Variants in PSG5 observed in about 807,000 individuals in gnomAD.
The protein encoded by PSG5 is pregnancy-specific beta-1-glycoprotein 5.
PSG5 carries 53 observed loss-of-function variants against 37.7 expected under a neutral mutation model. The observed-to-expected ratio is 1.41, with a 90% CI of 1.13 to 1.77. The LOEUF (loss-of-function observed/expected upper bound fraction) is 1.77. Ranked by LOEUF, PSG5 falls within the 40% of genes most tolerant of loss-of-function variation. PSG5 has a pLI of 0.00. For synonymous variants in PSG5, 221 were observed against 155.4 expected (o/e 1.42, Z -3.14); for missense variants, 547 against 405.2 (o/e 1.35, Z -3.00).
rs190860383 is a variant in PSG5 at position 43,167,761 on chromosome 19, T to G, written c.*483A>C. 1 of 180,682 alleles carries G rather than the reference T, an allele frequency of 5.5e-6. No individual in the cohort carries two copies. Among genetic ancestry groups the G allele is most frequent in the Non-Finnish European group, 1.2e-5 (1 of 86,836 alleles). The allele number at this position is 180,682 out of a possible 1,614,324, so 11.2% of individuals were successfully genotyped here. On this transcript the variant is annotated 3_prime_UTR_variant, in exon 6 of 6. Transcript: ENST00000342951. ...TCCTTACTGAACTTGTGCAGATAAC[T>G]TTATTACCATAAACATATGAATACT...
At chr19:43,183,509 C>T (rs778374564) in intron 2 of PSG5, 5 of 525,112 alleles carry the variant, frequency 9.5e-6, no homozygotes, top group South Asian at 2.8e-5. Context: ...CTCCTTGATC[C>T]TTTCATGACA....
intron 2 of PSG5, among the ~76,000 whole-genome samples, chr19:43,180,107 A>G (rs1969096508): frequency 6.6e-6 from 1 of 151,542 alleles, no homozygotes; most frequent in African/African-American, 2.4e-5. Flanking sequence ...TAGACATTCT[A>G]CTCTCTGATT....
chr19:43,186,101 A>C (rs1039696152), intron 1 of PSG5, among the ~76,000 whole-genome samples: 2 of 150,670 alleles, frequency 1.3e-5, no homozygotes, highest in African/African-American at 4.9e-5. Context: ...CTCAGCCTCC[A>C]GAGTAGCTAG....
At chr19:43,169,710 C>A (rs1968863169) in intron 5 of PSG5, among the ~76,000 whole-genome samples, 1 of 151,592 alleles carries the variant, frequency 6.6e-6, no homozygotes, top group Non-Finnish European at 1.5e-5. Flanking sequence ...AGAAGTCAAG[C>A]AATACTTTGA....
chr19:43,181,092 G>A (rs975704952), intron 2 of PSG5, among the ~76,000 whole-genome samples: 8 of 151,404 alleles, frequency 5.3e-5, no homozygotes, highest in East Asian at 1.9e-4. Context: ...CTCCCCACAC[G>A]TAGAACTCCA....
At chr19:43,174,351 TA>T in intron 4 of PSG5, 1 of 664,360 alleles carries the variant, frequency 1.5e-6, no homozygotes, top group Non-Finnish European at 1.9e-6. Flanking sequence ...TTATATTAGA[TA>T]TATATAAAGT....
At chr19:43,182,196 G>T (rs994304351) in intron 2 of PSG5, among the ~76,000 whole-genome samples, 3 of 151,674 alleles carry the variant, frequency 2.0e-5, no homozygotes, top group Non-Finnish European at 4.4e-5. Context: ...GCCCAGGGAT[G>T]GCCTTTGTCA....
intron 2 of PSG5, chr19:43,183,338 C>T (rs1969171020): frequency 2.0e-6 from 1 of 494,194 alleles, no homozygotes; most frequent in Non-Finnish European, 4.0e-6. Flanking sequence ...TGGCTAGAAC[C>T]TCCTAGGATT....
In PSG5 at chr19:43,176,404, C is replaced by T. The variant is rs192679648; in HGVS notation, c.431-256G>A. 5.1e-4 allele frequency among the ~76,000 whole-genome samples: 77 copies of T among 151,726 alleles called. 1 individual carries two copies. The highest frequency in any genetic ancestry group is 1.5e-3 in the African/African-American group (63 of 41,216). On this transcript the variant is annotated intron_variant, in intron 2 of 5. Transcript: ENST00000342951. ...AGCAGTGTTGGGTCATGAACAGACA[C>T]ATCAGTGGGAGTCACAGCCCCTGGT...
At chr19:43,185,613 C>T (rs1490908274) in intron 1 of PSG5, among the ~76,000 whole-genome samples, 1 of 151,466 alleles carries the variant, frequency 6.6e-6, no homozygotes, top group Non-Finnish European at 1.5e-5. Flanking sequence ...CTGTCTTCCT[C>T]CCCATGACAG....
At chr19:43,176,283 C>T (rs1969010440) in intron 2 of PSG5, 135 bp from the exon 3 acceptor site, 1 of 1,444,874 alleles carries the variant, frequency 6.9e-7, no homozygotes, top group Admixed American at 2.0e-5. Flanking sequence ...ATGCATGTGT[C>T]ACAAGATAGA....
At chr19:43,169,206 G>C (rs1230288354) in intron 5 of PSG5, among the ~76,000 whole-genome samples, 1 of 151,430 alleles carries the variant, frequency 6.6e-6, no homozygotes, top group African/African-American at 2.4e-5. Flanking sequence ...CCTGTCTTAG[G>C]CTTTATGTCT....
Position 43,167,968 on chromosome 19 carries a change from G to T in PSG5, c.*276C>A. ...AAAATTATGAAAACATTATGCTTTT[G>T]ATTATTTAGTCCAATAACATGGAGT... On this transcript the variant is annotated 3_prime_UTR_variant, in exon 6 of 6. Transcript: ENST00000342951. 2.5e-6 allele frequency: 1 copy of T among 403,208 alleles called. No individual in the cohort carries two copies. The highest frequency in any genetic ancestry group is 1.4e-4 in the South Asian group (1 of 7,324). 25.0% of individuals were successfully genotyped at this position (403,208 alleles called of 1,614,324 possible). A position where few individuals can be genotyped will look rare whatever the true frequency, so the allele number is the denominator to read the frequency against.
rs1333524786 is a variant in PSG5, at chr19:43,183,323, A to C, written c.430+1459T>G. On this transcript the variant is annotated intron_variant, in intron 2 of 5. Coordinates refer to ENST00000342951, the MANE Select transcript of PSG5 (RefSeq NM_002781.4). ...TGTCAGCCTCTGAAGGACAAGGGAC[A>C]GGTGTGGCTAGAACCTCCTAGGATT... 1.1e-5 allele frequency: 5 copies of C among 461,402 alleles called. No individual in the cohort carries two copies. The East Asian group carries it at 1.8e-4, about 16-fold the overall frequency. The allele number at this position is 461,402 out of a possible 1,614,324, so 28.6% of individuals were successfully genotyped here.
chr19:43,177,906 T>C (rs985927433), intron 2 of PSG5, among the ~76,000 whole-genome samples: 28 of 147,406 alleles, frequency 1.9e-4, no homozygotes, highest in African/African-American at 6.9e-4. Flanking sequence ...CAGCAATGTT[T>C]TGTAGTTTTC....
intron 2 of PSG5, among the ~76,000 whole-genome samples, chr19:43,182,436 C>T (rs528920124): frequency 6.6e-6 from 1 of 151,532 alleles, no homozygotes; most frequent in Admixed American, 6.6e-5. Flanking sequence ...TCATTCATAC[C>T]TATGACTAAT....
intron 2 of PSG5, among the ~76,000 whole-genome samples, chr19:43,183,843 G>T (rs1299817225): frequency 6.6e-6 from 1 of 151,504 alleles, no homozygotes; most frequent in Non-Finnish European, 1.5e-5. Flanking sequence ...TGTGACTCTG[G>T]TTCAGTGACT....
At chr19:43,171,983 C>CAAAAAA (rs60198220) in intron 4 of PSG5, among the ~76,000 whole-genome samples, 1 of 105,134 alleles carries the variant, frequency 9.5e-6, no homozygotes. Context: ...TCCCTCTCTT[C>CAAAAAA]AAAAAAAAAA....
intron 4 of PSG5, 137 bp downstream of exon 4, chr19:43,175,078 G>C: frequency 1.9e-6 from 3 of 1,584,440 alleles, no homozygotes; most frequent in Non-Finnish European, 1.7e-6. Context: ...AATTGGAAGG[G>C]TTCAGGAGGA....
Sources: allele counts gnomAD v4.1 joint callset (sites outside exome capture counted in the v4.1 genomes callset), GRCh38; gene constraint gnomAD v4.1.1; transcripts MANE v1.5; gene names NCBI Gene and HGNC (gene_info 2026-07-23, HGNC 2026-07-21).